Variants in ZNF714 observed in about 807,000 individuals in gnomAD.
ZNF714 encodes zinc finger protein 714.
Under a neutral mutation model 46.2 loss-of-function variants are expected in ZNF714, and 32 were observed. The observed-to-expected ratio is 0.69, with a 90% CI of 0.52 to 0.93. ZNF714 has a LOEUF of 0.93. ZNF714 is among the 40% of genes least tolerant of loss of function. The pLI is 0.00. For missense variants in ZNF714, 635 were observed against 646.3 expected (o/e 0.98, Z 0.19); for synonymous variants, 199 against 213.1 (o/e 0.93, Z 0.58).
In ZNF714 at chr19:21,083,345, TA is replaced by T. The variant is rs1206493540; in HGVS notation, c.-176-629del. On this transcript the variant is annotated intron_variant, in intron 1 of 4. Coordinates refer to ENST00000456283, the MANE Select transcript of ZNF714 (RefSeq NM_182515.4). ...GCCACCGCGCCCAGCCAGATTTTTTTAAAAGTAGGAATCCAGGGACTAGAGA... is the reference window on the plus strand; with the variant it reads ...GCCACCGCGCCCAGCCAGATTTTTTTAAAGTAGGAATCCAGGGACTAGAGA... Among the ~76,000 whole-genome samples, 3 of 152,278 alleles carry T rather than the reference TA, an allele frequency of 2.0e-5. No homozygotes were observed. In the East Asian group the frequency reaches 5.8e-4, roughly 29 times the overall value.
intron 2 of ZNF714, among the ~76,000 whole-genome samples, chr19:21,086,030 G>T (rs1213756298): frequency 1.3e-5 from 2 of 152,130 alleles, no homozygotes; most frequent in East Asian, 1.9e-4. Context: ...GAGAGCAATG[G>T]CAAATGAAGG....
rs1218865546 is a variant in ZNF714 at position 21,124,012 on chromosome 19, G to A, written c.*5680G>A. On this transcript the variant is annotated 3_prime_UTR_variant, in exon 5 of 5. Coordinates refer to ENST00000456283, the MANE Select transcript of ZNF714 (RefSeq NM_182515.4). ...TGTGTTCACAGACTGGCCAGTCATG[G>A]GACCATAAGCAACACCTGCCCCTTT... 6.6e-6 allele frequency: 1 copy of A among 152,102 alleles called. No individual in the cohort carries two copies. The highest frequency in any genetic ancestry group is 1.5e-5 in the Non-Finnish European group (1 of 68,018). 9.4% of individuals were successfully genotyped at this position (152,102 alleles called of 1,614,324 possible).
In ZNF714 at chr19:21,117,912, G is replaced by A. The variant is rs377444694; in HGVS notation, c.1248G>A (p.Lys416=). Residue 416 remains lysine (K), a synonymous_variant, in exon 5 of 5, where the codon AAG becomes AAA. Coordinates refer to ENST00000456283, the MANE Select transcript of ZNF714 (RefSeq NM_182515.4). The part of the protein sequence containing the change: ...FNQSSNLTKH[K]IIHTGEKLYK... The stretch of plus-strand genomic sequence containing the variant: ...AATCCTCAAACCTTACCAAACATAA[G>A]ATAATTCATACTGGAGAGAAACTCT... The A allele has an allele frequency of 1.2e-6, 2 of 1,612,138 alleles. No individual in the cohort carries two copies. Among genetic ancestry groups the A allele is most frequent in the African/African-American group, 2.7e-5 (2 of 74,634 alleles).
At chr19:21,097,428 TTGTTGA>T (rs1969069042) in intron 2 of ZNF714, among the ~76,000 whole-genome samples, 3 of 152,212 alleles carry the variant, frequency 2.0e-5, no homozygotes, top group African/African-American at 7.2e-5. Context: ...TATTCTAGTG[TTGTTGA>T]TGTTAATAAT....
chr19:21,117,067 C>T lies in ZNF714; in HGVS notation c.403C>T (p.His135Tyr). The change falls in exon 5 of 5, where the codon CAC becomes TAC. Residue 135 changes from histidine to tyrosine, a missense_variant. Transcript: ENST00000456283. ...TCATAAAATTTTCAATTCAAATAGA[C>T]ACAAGACAAGACATACTGGAGAGAA... ...VFHKIFNSNR[H>Y]KTRHTGEKPF... The T allele has an allele frequency of 6.2e-7, 1 of 1,613,286 alleles. No individual in the cohort carries two copies. Among genetic ancestry groups the T allele is most frequent in the South Asian group, 1.1e-5 (1 of 90,968 alleles).
At chr19:21,112,848 A>G in intron 4 of ZNF714, among the ~76,000 whole-genome samples, 1 of 16,642 alleles carries the variant, frequency 6.0e-5, no homozygotes, top group Non-Finnish European at 2.0e-4. Context: ...TTTGAGACGG[A>G]GTCTCGCTCT....
At chr19:21,086,690 A>G (rs1236795413) in intron 2 of ZNF714, among the ~76,000 whole-genome samples, 1 of 152,158 alleles carries the variant, frequency 6.6e-6, no homozygotes, top group East Asian at 1.9e-4. Context: ...CCTGTTACTT[A>G]GAATGCCTAA....
In ZNF714 at chr19:21,120,687, G is replaced by C. The variant is rs1372272862; in HGVS notation, c.*2355G>C. On this transcript the variant is annotated 3_prime_UTR_variant, in exon 5 of 5. Transcript: ENST00000456283. ...ATTATTATACCACAAACTTTACCCT[G>C]TTCCACCTTACTGAAGGGTATAGGT... 1 of 151,996 alleles carries C rather than the reference G, an allele frequency of 6.6e-6. No individual in the cohort carries two copies. Among genetic ancestry groups the C allele is most frequent in the Non-Finnish European group, 1.5e-5 (1 of 68,002 alleles). The allele number at this position is 151,996 out of a possible 1,614,324, so 9.4% of individuals were successfully genotyped here. A position where few individuals can be genotyped will look rare whatever the true frequency, so the allele number is the denominator to read the frequency against.
intron 4 of ZNF714, among the ~76,000 whole-genome samples, chr19:21,100,141 A>G (rs1599539589): frequency 6.6e-6 from 1 of 152,156 alleles, no homozygotes; most frequent in South Asian, 2.1e-4. Context: ...GGCATGAGTC[A>G]CCATGCCCAG....
At chr19:21,106,128 G>T (rs988252008) in intron 4 of ZNF714, among the ~76,000 whole-genome samples, 10 of 152,072 alleles carry the variant, frequency 6.6e-5, no homozygotes, top group African/African-American at 2.4e-4. Context: ...TGTGGCATGT[G>T]CCTGTAGTCC....
Position 21,123,949 on chromosome 19 carries a change from T to C in ZNF714, c.*5617T>C, listed in dbSNP as rs1767035072. The stretch of plus-strand genomic sequence containing the variant: ...TTTGGAGATCATGACAAGTTTTGGA[T>C]TAAAACATTCTGTTATTTTGCATGC... On this transcript the variant is annotated 3_prime_UTR_variant, in exon 5 of 5. Transcript: ENST00000456283. 1 of 152,190 alleles carries C rather than the reference T, an allele frequency of 6.6e-6. No homozygotes were observed. 9.4% of individuals were successfully genotyped at this position (152,190 alleles called of 1,614,324 possible).
At position 21,116,962 on chromosome 19, in the gene ZNF714, A is replaced by C. The variant is rs778696434; in HGVS notation, c.298A>C (p.Lys100Gln). The change falls in exon 5 of 5, where the codon AAA (lysine) becomes CAA (glutamine). Residue 100 changes from lysine (K) to glutamine (Q), a missense_variant. Coordinates refer to ENST00000456283, the MANE Select transcript of ZNF714 (RefSeq NM_182515.4). ...TGTGGTTGAGTGTAAGGTGTACAAA[A>C]AAGGTTATAATGAACTAAACCAGTG... is the stretch of plus-strand genomic sequence containing the variant. Reference protein sequence around the residue: ...ANVVECKVYKKGYNELNQCLT... With the variant: ...ANVVECKVYKQGYNELNQCLT... 1 of 1,609,604 alleles carries C rather than the reference A, an allele frequency of 6.2e-7. No homozygotes were observed. Among genetic ancestry groups the C allele is most frequent in the South Asian group, 1.1e-5 (1 of 90,942 alleles).
Position 21,117,104 on chromosome 19 carries a change from G to C in ZNF714, c.440G>C (p.Cys147Ser). Reference sequence around the variant, plus strand: ...CATACTGGAGAGAAACCTTTCAAATGTAAAAAATGTGATGAATCATTTTGC... The same window carrying C: ...CATACTGGAGAGAAACCTTTCAAATCTAAAAAATGTGATGAATCATTTTGC... ...TRHTGEKPFK[C>S]KKCDESFCML... Residue 147 changes from cysteine to serine, a missense_variant, in exon 5 of 5, where the codon TGT (cysteine) becomes TCT (serine). Coordinates refer to ENST00000456283, the MANE Select transcript of ZNF714 (RefSeq NM_182515.4). 6.2e-7 allele frequency: 1 copy of C among 1,613,560 alleles called. No individual in the cohort carries two copies.
Position 21,117,446 on chromosome 19 carries a change from A to G in ZNF714, c.782A>G (p.Glu261Gly). The G allele has an allele frequency of 6.2e-7, 1 of 1,612,550 alleles. No homozygotes were observed. Among genetic ancestry groups the G allele is most frequent in the Non-Finnish European group, 8.5e-7 (1 of 1,179,102 alleles). ...HTGEKPFKCE[E>G]CGKAFNHPSA... The stretch of plus-strand genomic sequence containing the variant: ...GGAGAGAAGCCCTTCAAATGTGAAG[A>G]ATGTGGTAAAGCTTTTAACCACCCT... Residue 261 changes from glutamate (E) to glycine (G), a missense_variant, in exon 5 of 5, where the codon GAA (glutamate) becomes GGA (glycine). Physicochemically the swap from Glu to Gly is moderately conservative, Grantham distance 98 (BLOSUM62 -2). Coordinates refer to ENST00000456283, the MANE Select transcript of ZNF714 (RefSeq NM_182515.4).
At chr19:21,107,027 A>G (rs1355637147) in intron 4 of ZNF714, among the ~76,000 whole-genome samples, 2 of 152,050 alleles carry the variant, frequency 1.3e-5, no homozygotes, top group African/African-American at 2.4e-5. Flanking sequence ...GGATTTCGCC[A>G]TGTTGGCAAG....
Position 21,119,019 on chromosome 19 carries a change from G to A in ZNF714, c.*687G>A. 5.5e-6 allele frequency: 2 copies of A among 364,098 alleles called. No homozygotes were observed. Among genetic ancestry groups the A allele is most frequent in the Admixed American group, 3.8e-5 (1 of 26,176 alleles). The allele number at this position is 364,098 out of a possible 1,614,324, so 22.6% of individuals were successfully genotyped here. On this transcript the variant is annotated 3_prime_UTR_variant, in exon 5 of 5. Coordinates refer to ENST00000456283, the MANE Select transcript of ZNF714 (RefSeq NM_182515.4). ...TTATACAAATATAAAGACTGAAAAA[G>A]CCATTAATATATGTTCATATCTCAA...
intron 2 of ZNF714, among the ~76,000 whole-genome samples, chr19:21,097,322 T>G (rs1020647463): frequency 6.6e-6 from 1 of 152,182 alleles, no homozygotes; most frequent in African/African-American, 2.4e-5. Flanking sequence ...GATTTTTTCT[T>G]TATGGTTAAA....
Position 21,118,979 on chromosome 19 carries a change from T to G in ZNF714, c.*647T>G, listed in dbSNP as rs1026019659. On this transcript the variant is annotated 3_prime_UTR_variant, in exon 5 of 5. Transcript: ENST00000456283. ...ACACCTTATTGCACAGGAAAGCATTTGTACTTGAGATAAATTATACAAATA... is the reference window on the plus strand; with the variant it reads ...ACACCTTATTGCACAGGAAAGCATTGGTACTTGAGATAAATTATACAAATA... 8 of 326,636 alleles carry G rather than the reference T, an allele frequency of 2.4e-5. No homozygotes were observed. In the East Asian group the frequency reaches 8.9e-4, roughly 36 times the overall value. 20.2% of individuals were successfully genotyped at this position (326,636 alleles called of 1,614,324 possible).
At chr19:21,100,334 C>T (rs570583500) in intron 4 of ZNF714, among the ~76,000 whole-genome samples, 10 of 151,852 alleles carry the variant, frequency 6.6e-5, no homozygotes, top group African/African-American at 2.2e-4. Flanking sequence ...ATCAGCCTGA[C>T]CAACATGGAG....
Sources: gnomAD v4.1 joint callset for allele counts (sites outside exome capture counted in the v4.1 genomes callset) on GRCh38, gnomAD v4.1.1 for gene constraint, MANE v1.5 for transcripts, NCBI Gene and HGNC (gene_info 2026-07-23, HGNC 2026-07-21) for gene names.